ARHGEF3: variants seen among roughly 807,000 people sequenced by gnomAD.
ARHGEF3 encodes Rho guanine nucleotide exchange factor 3, also known as 59.8 kDA protein.
ARHGEF3 carries 28 observed loss-of-function variants against 63.2 expected under a neutral mutation model. The ratio of observed to expected loss-of-function variants is 0.44; its 90% CI spans 0.33 to 0.61. ARHGEF3 has a LOEUF of 0.61. Ranked by LOEUF, ARHGEF3 falls within the 20% of genes least tolerant of loss-of-function variation. ARHGEF3 has a pLI of 0.03. For synonymous variants in ARHGEF3, 266 were observed against 254.2 expected, an observed-to-expected ratio of 1.05 and a Z score of -0.44; for missense variants, 533 against 659.3, an observed-to-expected ratio of 0.81 and a Z score of 2.10.
chr3:56,916,225 C>T, intron 3 of ARHGEF3: 1 of 1,475,066 alleles, frequency 6.8e-7, no homozygotes. Flanking sequence ...CATCCTCCCA[C>T]ACCTCAGATC....
intron 4 of ARHGEF3, among the ~76,000 whole-genome samples, chr3:56,871,360 T>G (rs7634648): frequency 0.98 from 149,330 of 152,192 alleles, 73,320 homozygotes; most frequent in East Asian, 1. Context: ...AAGCAGAAAA[T>G]ATTTTCTACT....
chr3:56,970,051 A>G (rs1419644044), intron 2 of ARHGEF3, among the ~76,000 whole-genome samples: 2 of 152,208 alleles, frequency 1.3e-5, no homozygotes, highest in Non-Finnish European at 2.9e-5. Context: ...AGGAATGAGG[A>G]GTGACTGCTT....
At chr3:56,801,666 T>G in intron 1 of ARHGEF3, 37 bp downstream of exon 1, 2 of 1,547,116 alleles carry the variant, frequency 1.3e-6, no homozygotes, top group Non-Finnish European at 1.7e-6. Context: ...GACAGGCAGA[T>G]GACCCATAGA....
chr3:56,832,401 T>A (rs1363501085), intron 4 of ARHGEF3, among the ~76,000 whole-genome samples: 1 of 152,204 alleles, frequency 6.6e-6, no homozygotes, highest in Non-Finnish European at 1.5e-5. Context: ...CAGATTCAAG[T>A]TGCCCTGAAT....
intron 4 of ARHGEF3, among the ~76,000 whole-genome samples, chr3:56,814,536 T>G (rs762023824): frequency 6.6e-6 from 1 of 152,078 alleles, no homozygotes; most frequent in East Asian, 1.9e-4. Flanking sequence ...GATATGAGAG[T>G]TTCAAGGTTT....
At chr3:57,016,141 C>G (rs1284647216) in intron 2 of ARHGEF3, among the ~76,000 whole-genome samples, 2 of 152,178 alleles carry the variant, frequency 1.3e-5, no homozygotes, top group Non-Finnish European at 2.9e-5. Context: ...TACTGAAATC[C>G]ACCTTCCAAT....
At chr3:56,926,147 A>G (rs138294315) in intron 3 of ARHGEF3, among the ~76,000 whole-genome samples, 22 of 152,344 alleles carry the variant, frequency 1.4e-4, no homozygotes, top group Non-Finnish European at 2.6e-4. Context: ...GGTCTCCCCA[A>G]TGACAGTGCC....
chr3:57,020,055 C>T (rs1703193554), intron 2 of ARHGEF3, among the ~76,000 whole-genome samples: 2 of 152,266 alleles, frequency 1.3e-5, no homozygotes, highest in East Asian at 1.9e-4. Context: ...AGCGCCACCT[C>T]GCCCAGCTAA....
intron 1 of ARHGEF3, among the ~76,000 whole-genome samples, chr3:57,067,312 G>C (rs1475452155): frequency 6.6e-6 from 1 of 151,528 alleles, no homozygotes; most frequent in Non-Finnish European, 1.5e-5. Context: ...AAAATTAGCC[G>C]GGCGTGGTGG....
At chr3:56,862,061 C>T (rs1252813981) in intron 4 of ARHGEF3, among the ~76,000 whole-genome samples, 1 of 152,036 alleles carries the variant, frequency 6.6e-6, no homozygotes, top group African/African-American at 2.4e-5. Context: ...GATGCTAATC[C>T]ACAGCTTAAA....
rs191165879 is a variant in ARHGEF3 at position 57,007,209 on chromosome 3, T to C, written c.62+27879A>G. ...GAATTCTCAGTTTGTTCTGGAATCT[T>C]AGGAGTCGAAGGTGGGGGGGTCAAT... On this transcript the variant is annotated intron_variant, in intron 2 of 12. Coordinates refer to the ARHGEF3 transcript ENST00000338458. 3.2e-4 allele frequency: 409 copies of C among 1,288,506 alleles called. 1 individual carries two copies. The highest frequency in any genetic ancestry group is 1.1e-3 in the Middle Eastern group (5 of 4,684). 79.8% of individuals were successfully genotyped at this position (1,288,506 alleles called of 1,614,324 possible). A position where few individuals can be genotyped will look rare whatever the true frequency, so the allele number is the denominator to read the frequency against.
chr3:57,075,707 G>A (rs1021171524), intron 1 of ARHGEF3, among the ~76,000 whole-genome samples: 15 of 152,148 alleles, frequency 9.9e-5, no homozygotes, highest in African/African-American at 3.6e-4. Context: ...TTACTCAGGA[G>A]GCTGAGGTGG....
intron 1 of ARHGEF3, among the ~76,000 whole-genome samples, chr3:57,062,441 A>G (rs1001475705): frequency 1.3e-5 from 2 of 152,230 alleles, no homozygotes; most frequent in Non-Finnish European, 2.9e-5. Flanking sequence ...GGCTAGGCTC[A>G]GGAGCACGGC....
At chr3:56,884,325 G>A (rs1046020717) in intron 3 of ARHGEF3, among the ~76,000 whole-genome samples, 5 of 152,178 alleles carry the variant, frequency 3.3e-5, no homozygotes, top group African/African-American at 1.2e-4. Flanking sequence ...CTTCCCAGAG[G>A]AGGAGGCATT....
chr3:56,894,937 C>G (rs2041248739), intron 3 of ARHGEF3, among the ~76,000 whole-genome samples: 1 of 152,136 alleles, frequency 6.6e-6, no homozygotes, highest in Non-Finnish European at 1.5e-5. Flanking sequence ...AAAATTTAGC[C>G]CAAAGTACTT....
At position 57,011,620 on chromosome 3, in the gene ARHGEF3, G is replaced by C. The variant is rs572592101; in HGVS notation, c.62+23468C>G. Among the ~76,000 whole-genome samples the C allele has an allele frequency of 2.0e-5, 3 of 152,184 alleles. No homozygotes were observed. The East Asian group carries it at 5.8e-4, about 29-fold the overall frequency. Reference sequence around the variant, plus strand: ...CAACCCAAGGATTCAATAGTGTCAAGGTTGAGAAATCCTAATCTAAACCAG... The same window carrying C: ...CAACCCAAGGATTCAATAGTGTCAACGTTGAGAAATCCTAATCTAAACCAG... On this transcript the variant is annotated intron_variant, in intron 2 of 12. Coordinates refer to the ARHGEF3 transcript ENST00000338458.
intron 4 of ARHGEF3, among the ~76,000 whole-genome samples, chr3:56,824,570 G>C (rs1167912393): frequency 1.3e-5 from 2 of 152,150 alleles, no homozygotes; most frequent in African/African-American, 4.8e-5. Context: ...ACCCAAATTT[G>C]CTTAAAAGCC....
chr3:56,859,388 C>G (rs1223239525), intron 4 of ARHGEF3, among the ~76,000 whole-genome samples: 1 of 151,974 alleles, frequency 6.6e-6, no homozygotes, highest in Admixed American at 6.5e-5. Flanking sequence ...ATCCGCCTAC[C>G]TCGGCCTCCC....
In ARHGEF3 at chr3:56,755,148, A is replaced by T; in HGVS notation, c.208T>A (p.Ser70Thr). The T allele has an allele frequency of 6.2e-7, 1 of 1,612,976 alleles. No individual in the cohort carries two copies. Among genetic ancestry groups the T allele is most frequent in the Non-Finnish European group, 8.5e-7 (1 of 1,179,912 alleles). ...LKRFSQTLQR[S>T]ISFRSESRPD... Reference sequence around the variant, plus strand: ...CGGCTCTCACTGCGGAAGCTAATGGAGCGCTAAACAATGAGAAAAACAAAC... The same window carrying T: ...CGGCTCTCACTGCGGAAGCTAATGGTGCGCTAAACAATGAGAAAAACAAAC... Residue 70 changes from serine (S) to threonine (T), a missense_variant, in exon 3 of 10, where the codon TCC becomes ACC. Physicochemically the swap from Ser to Thr is moderately conservative, Grantham distance 58 (BLOSUM62 1). This residue lies in a region of ARHGEF3 where 160 missense variants were observed against 157.3 expected (regional missense o/e 1.02). Transcript: ENST00000296315.
Sources: gnomAD v4.1 joint callset for allele counts (sites outside exome capture counted in the v4.1 genomes callset) on GRCh38, gnomAD v4.1.1 for gene constraint, gnomAD v4.1.1 regional missense constraint, MANE v1.5 for transcripts, NCBI Gene and HGNC (gene_info 2026-07-23, HGNC 2026-07-21) for gene names.